Variants in LY75 observed in about 807,000 individuals in gnomAD.
LY75 encodes C-type lectin domain family 13 member B.
Under a neutral mutation model 231.7 loss-of-function variants are expected in LY75, and 185 were observed. The observed-to-expected ratio is 0.80, with a 90% CI of 0.71 to 0.90. The LOEUF is 0.90. Among genes scored for constraint, LY75 ranks in the 40% least tolerant of loss-of-function variants. The pLI, the probability that LY75 is intolerant of heterozygous loss-of-function variation, is 0.00. For missense variants in LY75, 1,947 were observed against 2,050.2 expected (o/e 0.95, Z 0.97); for synonymous variants, 668 against 689.0 (o/e 0.97, Z 0.48).
rs1048658867 is a variant in LY75 at position 159,835,353 on chromosome 2, A to G, written c.3673+127T>C. On this transcript the variant is annotated intron_variant, in intron 26 of 34. Coordinates refer to ENST00000263636, the MANE Select transcript of LY75 (RefSeq NM_002349.4). ...ACAAATTTTCACAACAAATGTTGCC[A>G]TAAAAAGACATGACTATAATTTCTT... The G allele has an allele frequency of 2.1e-5, 22 of 1,026,714 alleles. No homozygotes were observed. The South Asian group carries it at 3.7e-4, about 17-fold the overall frequency. 63.6% of individuals were successfully genotyped at this position (1,026,714 alleles called of 1,614,324 possible). A position where few individuals can be genotyped will look rare whatever the true frequency, so the allele number is the denominator to read the frequency against.
chr2:159,846,905 T>C (rs560346665), intron 23 of LY75, among the ~76,000 whole-genome samples: 1 of 152,310 alleles, frequency 6.6e-6, no homozygotes, highest in East Asian at 1.9e-4. Flanking sequence ...TTTGTTTTCA[T>C]TAGAAATCAG....
intron 15 of LY75, 22 bp downstream of exon 15, chr2:159,860,799 G>T (rs1358077080): frequency 6.2e-7 from 1 of 1,613,286 alleles, no homozygotes; most frequent in Non-Finnish European, 8.5e-7. Flanking sequence ...TAAATATGCA[G>T]ATTTTCCAGC....
intron 16 of LY75, 74 bp from the exon 17 acceptor site, chr2:159,855,013 T>G: frequency 6.3e-7 from 1 of 1,585,454 alleles, no homozygotes; most frequent in East Asian, 2.3e-5. Context: ...CGGCCTTTAA[T>G]GTAGCTCGAA....
At chr2:159,827,934 A>T (rs1683524487) in intron 28 of LY75, among the ~76,000 whole-genome samples, 1 of 152,020 alleles carries the variant, frequency 6.6e-6, no homozygotes, top group Admixed American at 6.6e-5. Context: ...AGGGAGTGGA[A>T]CATCACACAC....
intron 21 of LY75, among the ~76,000 whole-genome samples, chr2:159,850,791 T>TATATAAATAA (rs1553805729): frequency 3.2e-5 from 3 of 94,506 alleles, no homozygotes; most frequent in African/African-American, 1.2e-4. Flanking sequence ...TATATATATA[T>TATATAAATAA]ATATATATTA....
intron 3 of LY75, 25 bp from the exon 4 acceptor site, chr2:159,890,402 T>C (rs976638619): frequency 3.1e-6 from 5 of 1,610,520 alleles, no homozygotes; most frequent in South Asian, 1.1e-5. Context: ...ACGTTAGTGA[T>C]CATAAAGTAA....
In LY75 at chr2:159,885,372, C is replaced by A; in HGVS notation, c.914-79G>T. 6 of 1,520,660 alleles carry A rather than the reference C, an allele frequency of 3.9e-6. No individual in the cohort carries two copies. In the South Asian group the frequency reaches 6.6e-5, roughly 17 times the overall value. The allele number at this position is 1,520,660 out of a possible 1,614,324, so 94.2% of individuals were successfully genotyped here. On this transcript the variant is annotated intron_variant, in intron 5 of 34. Transcript: ENST00000263636. Reference sequence around the variant, plus strand: ...GGTGTCAGAAAGAATAATTTGTATTCCTAATTTTATGCTTTTATGGGAACT... The same window carrying A: ...GGTGTCAGAAAGAATAATTTGTATTACTAATTTTATGCTTTTATGGGAACT...
rs376007564 is a variant in LY75 at position 159,881,229 on chromosome 2, C to G, written c.1258G>C (p.Glu420Gln). ...ATGTTCTTAAGGCCTATCCACACTT[C>G]TTCTTTGATATCTAAAAGAAAAATG... The part of the protein sequence containing the change: ...TKLHNEDIKE[E>Q]VWIGLKNINI... Residue 420 changes from glutamate to glutamine, a missense_variant, in exon 8 of 35, where the codon GAA becomes CAA. Glu to Gln is a conservative substitution (Grantham distance 29). Coordinates refer to ENST00000263636, the MANE Select transcript of LY75 (RefSeq NM_002349.4). 1.2e-6 allele frequency: 2 copies of G among 1,610,118 alleles called. No homozygotes were observed. The highest frequency in any genetic ancestry group is 2.7e-5 in the African/African-American group (2 of 74,710).
chr2:159,862,444 T>TG, intron 14 of LY75, among the ~76,000 whole-genome samples: 1 of 151,970 alleles, frequency 6.6e-6, no homozygotes, highest in East Asian at 1.9e-4. Context: ...GGTGGCAGAG[T>TG]AAGACCCCAT....
At position 159,904,723 on chromosome 2, in the gene LY75, ACGCGGCTCCCGCCCCGCC is replaced by A. The variant is rs752126302; in HGVS notation, c.-59_-42del. The A allele has an allele frequency of 3.6e-6, 5 of 1,382,464 alleles. No individual in the cohort carries two copies. In the South Asian group the frequency reaches 8.2e-5, roughly 23 times the overall value. The allele number at this position is 1,382,464 out of a possible 1,614,324, so 85.6% of individuals were successfully genotyped here. On this transcript the variant is annotated 5_prime_UTR_variant, in exon 1 of 35. It adds an upstream start codon to the 5' untranslated region. Coordinates refer to ENST00000263636, the MANE Select transcript of LY75 (RefSeq NM_002349.4). ...GCCTTCCGGCCGGGTCCTCGGGCGC[ACGCGGCTCCCGCCCCGCC>A]TGCTGAGCGCGGCCTGCCCCGCCCG...
chr2:159,805,857 C>G (rs2125825293), intron 34 of LY75, among the ~76,000 whole-genome samples: 1 of 152,290 alleles, frequency 6.6e-6, no homozygotes, highest in East Asian at 1.9e-4. Context: ...CCCCCCAAAT[C>G]TTCCAGTTGC....
chr2:159,820,510 A>G (rs57223462), intron 28 of LY75, among the ~76,000 whole-genome samples: 24,488 of 152,064 alleles, frequency 0.16, 2,280 homozygotes, highest in East Asian at 0.32. Flanking sequence ...AAATGATACA[A>G]TAGACTCTGG....
chr2:159,888,088 A>C (rs1489606200), intron 4 of LY75, among the ~76,000 whole-genome samples: 2 of 152,200 alleles, frequency 1.3e-5, no homozygotes, highest in Admixed American at 1.3e-4. Flanking sequence ...TCAAGTGCCA[A>C]ACAATACAGG....
chr2:159,901,887 A>G (rs1393542607), intron 1 of LY75, among the ~76,000 whole-genome samples: 2 of 152,240 alleles, frequency 1.3e-5, no homozygotes, highest in Non-Finnish European at 2.9e-5. Flanking sequence ...TACATTAGAT[A>G]GGGAGAGTCC....
chr2:159,881,136 C>T lies in LY75; in HGVS notation c.1351G>A (p.Glu451Lys). Residue 451 changes from glutamate (E) to lysine (K), a missense_variant, in exon 8 of 35, where the codon GAG becomes AAG. Glu to Lys is a moderately conservative substitution (Grantham distance 56). Transcript: ENST00000263636. Reference protein sequence around the residue: ...EVTLTYWDENEPNVPYNKTPN... With the variant: ...EVTLTYWDENKPNVPYNKTPN... ...GTCTTATTGTAGGGAACATTTGGCT[C>T]ATTCTCATCCCAATATGTTAGAGTA... is the stretch of plus-strand genomic sequence containing the variant. The T allele has an allele frequency of 1.2e-6, 2 of 1,613,906 alleles. No individual in the cohort carries two copies. Among genetic ancestry groups the T allele is most frequent in the Non-Finnish European group, 1.7e-6 (2 of 1,179,892 alleles).
At chr2:159,850,172 A>C (rs1313929303) in intron 22 of LY75, 32 bp from the exon 23 acceptor site, 1 of 1,577,270 alleles carries the variant, frequency 6.3e-7, no homozygotes, top group Non-Finnish European at 8.6e-7. Context: ...AAAGCATTTG[A>C]TTTATTCAAA....
chr2:159,812,649 G>A (rs1682996509), intron 31 of LY75, among the ~76,000 whole-genome samples: 1 of 152,098 alleles, frequency 6.6e-6, no homozygotes. Flanking sequence ...CTGGGCTCAA[G>A]CCACCCACCT....
At chr2:159,889,438 G>A (rs1239926359) in intron 4 of LY75, among the ~76,000 whole-genome samples, 1 of 151,914 alleles carries the variant, frequency 6.6e-6, no homozygotes, top group Non-Finnish European at 1.5e-5. Context: ...ACTTTGCCCA[G>A]GCTGGTTTCA....
chr2:159,827,796 T>C (rs1683519387), intron 28 of LY75, among the ~76,000 whole-genome samples: 1 of 152,210 alleles, frequency 6.6e-6, no homozygotes, highest in African/African-American at 2.4e-5. Flanking sequence ...GATGAGTTCC[T>C]GTCCTTTGCA....
Sources: allele counts gnomAD v4.1 joint callset (sites outside exome capture counted in the v4.1 genomes callset), GRCh38; gene constraint gnomAD v4.1.1; transcripts MANE v1.5; gene names NCBI Gene and HGNC (gene_info 2026-07-23, HGNC 2026-07-21).